Variants in ANKRD18B observed in about 807,000 individuals in gnomAD.
The protein encoded by ANKRD18B is ankyrin repeat domain-containing protein 18B.
A neutral mutation model predicts 111.8 loss-of-function variants in ANKRD18B; 75 were observed. The ratio of observed to expected loss-of-function variants is 0.67; its 90% CI spans 0.56 to 0.81. The LOEUF (loss-of-function observed/expected upper bound fraction) is 0.81. Among genes scored for constraint, ANKRD18B ranks in the 40% least tolerant of loss-of-function variants. The pLI is 0.00. For missense variants in ANKRD18B, 1,038 were observed against 1,225.5 expected, an observed-to-expected ratio of 0.85 and a Z score of 2.28; for synonymous variants, 356 against 417.3, an observed-to-expected ratio of 0.85 and a Z score of 1.79.
At chr9:33,550,621 G>A (rs766802003) in intron 12 of ANKRD18B, 42 bp downstream of exon 12, 112 of 1,461,750 alleles carry the variant, frequency 7.7e-5, no homozygotes, top group South Asian at 5.9e-4. Flanking sequence ...ATCTGTAGCT[G>A]GTTGAATACC....
intron 1 of ANKRD18B, among the ~76,000 whole-genome samples, chr9:33,527,393 C>T (rs1828040851): frequency 1.3e-5 from 2 of 152,076 alleles, no homozygotes; most frequent in African/African-American, 4.8e-5. Context: ...GTGATCTCAG[C>T]TCACTGCAAC....
chr9:33,548,118 G>A lies in ANKRD18B; in HGVS notation c.1330G>A (p.Val444Ile), dbSNP rs529213138. 3.3e-5 allele frequency: 51 copies of A among 1,536,784 alleles called. 1 individual carries two copies. In the South Asian group the frequency reaches 6.1e-4, roughly 18 times the overall value. Residue 444 changes from valine to isoleucine, a missense_variant, in exon 11 of 19, where the codon GTA (valine) becomes ATA (isoleucine). Val to Ile is a conservative substitution (Grantham distance 29). This residue lies in a region of ANKRD18B where 205 missense variants were observed against 201.3 expected (regional missense o/e 1.02). Transcript: ENST00000684830. ...TEINANFEKS[V>I]RLNEEMITKK... Reference sequence around the variant, plus strand: ...AATAAATGCTAACTTTGAAAAGAGTGTAAGACTCAATGAAGAAATGATAAC... The same window carrying A: ...AATAAATGCTAACTTTGAAAAGAGTATAAGACTCAATGAAGAAATGATAAC...
intron 12 of ANKRD18B, among the ~76,000 whole-genome samples, chr9:33,552,136 C>T (rs1298236971): frequency 6.6e-6 from 1 of 152,176 alleles, no homozygotes; most frequent in Non-Finnish European, 1.5e-5. Context: ...CCAATTATTT[C>T]TTCTTTGAGA....
At chr9:33,541,016 G>A in intron 8 of ANKRD18B, 131 bp from the exon 9 acceptor site, 1 of 1,089,022 alleles carries the variant, frequency 9.2e-7, no homozygotes, top group Non-Finnish European at 1.3e-6. Flanking sequence ...TAAATTTGTG[G>A]TGATGAGTGC....
intron 14 of ANKRD18B, among the ~76,000 whole-genome samples, chr9:33,564,154 CTT>C (rs1828651332): frequency 6.6e-6 from 1 of 152,182 alleles, no homozygotes; most frequent in Non-Finnish European, 1.5e-5. Flanking sequence ...GTAGAGATGT[CTT>C]TCTATGTTGC....
intron 14 of ANKRD18B, among the ~76,000 whole-genome samples, chr9:33,560,363 C>T (rs1420014158): frequency 6.6e-6 from 1 of 152,242 alleles, no homozygotes; most frequent in Admixed American, 6.5e-5. Context: ...GGCTCCACCC[C>T]AACCCCCCAG....
At chr9:33,534,064 A>C (rs945816628) in intron 4 of ANKRD18B, among the ~76,000 whole-genome samples, 5 of 152,280 alleles carry the variant, frequency 3.3e-5, no homozygotes, top group Admixed American at 3.3e-4. Context: ...ATCTTTGCCC[A>C]CTTTCAATAA....
At chr9:33,531,848 C>A (rs1828121970) in intron 3 of ANKRD18B, among the ~76,000 whole-genome samples, 1 of 151,270 alleles carries the variant, frequency 6.6e-6, no homozygotes, top group Non-Finnish European at 1.5e-5. Flanking sequence ...CATAAGAATG[C>A]CTAGAAGCCC....
At position 33,524,416 on chromosome 9, in the gene ANKRD18B, G is replaced by A. The variant is rs1827993554; in HGVS notation, c.-74G>A. ...GGAGGGGGATCTCGAATTTGGAGCT[G>A]GGTGGGGGTGGAAAGGCCACGAGGA... On this transcript the variant is annotated 5_prime_UTR_variant, in exon 1 of 19. Coordinates refer to ENST00000684830, the MANE Select transcript of ANKRD18B (RefSeq NM_001393611.1). 1 of 1,456,402 alleles carries A rather than the reference G, an allele frequency of 6.9e-7. No individual in the cohort carries two copies. Among genetic ancestry groups the A allele is most frequent in the Admixed American group, 2.5e-5 (1 of 39,318 alleles). The allele number at this position is 1,456,402 out of a possible 1,614,324, so 90.2% of individuals were successfully genotyped here.
chr9:33,550,290 AAG>A (rs1271573540), intron 11 of ANKRD18B, 138 bp from the exon 12 acceptor site: 11 of 900,058 alleles, frequency 1.2e-5, no homozygotes, highest in Non-Finnish European at 1.6e-5. Flanking sequence ...AGTAATAAAG[AAG>A]AAAGTGTACA....
At position 33,541,202 on chromosome 9, in the gene ANKRD18B, GA is replaced by G. The variant is rs1394861556; in HGVS notation, c.1060del (p.Arg354GlufsTer10). The G allele has an allele frequency of 4.5e-6, 7 of 1,545,224 alleles. No homozygotes were observed. Among genetic ancestry groups the G allele is most frequent in the South Asian group, 2.4e-5 (2 of 81,906 alleles). On this transcript the variant is annotated frameshift_variant, in exon 9 of 19. Coordinates refer to ENST00000684830, the MANE Select transcript of ANKRD18B (RefSeq NM_001393611.1). LOFTEE classifies it high-confidence loss of function. ...AAAAAAGAAAAAAAAGAAAAAAATT[GA>G]AAAAAAGAAAAGAAGGTGCAAAAGG... ...LKKRKKRKKLKKRKEGAKEHN... is the reference protein window; with the variant it reads ...LKKRKKRKKLXKRKEGAKEHN...
At chr9:33,570,968 C>G (rs150674322) in intron 17 of ANKRD18B, among the ~76,000 whole-genome samples, 1,621 of 152,218 alleles carry the variant, frequency 0.011, 31 homozygotes, top group African/African-American at 0.037. Context: ...AAAACACCAC[C>G]TTTCTAAAAT....
intron 14 of ANKRD18B, among the ~76,000 whole-genome samples, chr9:33,559,574 A>G (rs932888466): frequency 5.9e-5 from 9 of 152,148 alleles, no homozygotes; most frequent in Admixed American, 2.0e-4. Flanking sequence ...CTTGCTCCTC[A>G]ATATAAATCT....
intron 14 of ANKRD18B, among the ~76,000 whole-genome samples, chr9:33,565,933 C>T (rs1301427994): frequency 1.3e-5 from 2 of 151,836 alleles, no homozygotes; most frequent in Admixed American, 6.6e-5. Flanking sequence ...TAACTTAGTG[C>T]CATTTAAGGA....
chr9:33,538,978 T>C (rs1828240018), intron 6 of ANKRD18B, among the ~76,000 whole-genome samples: 1 of 152,192 alleles, frequency 6.6e-6, no homozygotes, highest in African/African-American at 2.4e-5. Flanking sequence ...GGAATTGACA[T>C]AGTTTTTGTC....
chr9:33,547,622 AG>A (rs1828376233), intron 10 of ANKRD18B, among the ~76,000 whole-genome samples: 1 of 150,796 alleles, frequency 6.6e-6, no homozygotes, highest in Admixed American at 6.6e-5. Flanking sequence ...TTATGCTTTG[AG>A]TTTGTTGTAA....
Position 33,571,262 on chromosome 9 carries a change from CA to C in ANKRD18B, c.3195del (p.Glu1066AsnfsTer3), listed in dbSNP as rs937615835. 3.5e-6 allele frequency: 4 copies of C among 1,156,952 alleles called. No homozygotes were observed. In the African/African-American group the frequency reaches 6.7e-5, roughly 19 times the overall value. 71.7% of individuals were successfully genotyped at this position (1,156,952 alleles called of 1,614,324 possible). A position where few individuals can be genotyped will look rare whatever the true frequency, so the allele number is the denominator to read the frequency against. ...NSLTEMELDCAEQIITETKKT... is the reference protein window; with the variant it reads ...NSLTEMELDCXEQIITETKKT... ...TTATTTTAGATGGAGCTGGACTGTG[CA>C]GAACAAATAATTACAGAAACAAAGA... On this transcript the variant is annotated frameshift_variant, in exon 18 of 19. Coordinates refer to ENST00000684830, the MANE Select transcript of ANKRD18B (RefSeq NM_001393611.1). LOFTEE classifies it low-confidence loss of function (END_TRUNC).
At chr9:33,572,065 T>A in intron 18 of ANKRD18B, 1 of 469,828 alleles carries the variant, frequency 2.1e-6, no homozygotes, top group East Asian at 3.8e-5. Context: ...GTAATTCCAG[T>A]GCTGGCTCTA....
intron 12 of ANKRD18B, among the ~76,000 whole-genome samples, chr9:33,551,762 G>A (rs1828450352): frequency 6.6e-6 from 1 of 152,078 alleles, no homozygotes; most frequent in Non-Finnish European, 1.5e-5. Context: ...CCCTGCCATT[G>A]GACTCTATCC....
Sources: allele counts gnomAD v4.1 joint callset (sites outside exome capture counted in the v4.1 genomes callset), GRCh38; gene constraint gnomAD v4.1.1; regional missense constraint gnomAD v4.1.1; transcripts MANE v1.5; gene names NCBI Gene and HGNC (gene_info 2026-07-23, HGNC 2026-07-21).